The following COL15A1 variants were observed in gnomAD, a reference collection of about 807,000 sequenced individuals.
COL15A1 encodes the protein collagen type XV alpha 1 chain, also known as collagen alpha-1(XV) chain.
Under a neutral mutation model 165.9 loss-of-function variants are expected in COL15A1, and 111 were observed. The ratio of observed to expected loss-of-function variants is 0.67; its 90% CI spans 0.57 to 0.78. The LOEUF is 0.78. Ranked by LOEUF, COL15A1 falls within the 30% of genes least tolerant of loss-of-function variation. The pLI is 0.00. For synonymous variants in COL15A1, 659 were observed against 674.8 expected (o/e 0.98, Z 0.36); for missense variants, 1,745 against 1,789.7 (o/e 0.98, Z 0.45).
At chr9:98,974,717 G>T (rs1282035433) in intron 2 of COL15A1, among the ~76,000 whole-genome samples, 1 of 152,186 alleles carries the variant, frequency 6.6e-6, no homozygotes, top group Admixed American at 6.5e-5. Context: ...GCAGTATAGG[G>T]TCATCTGGAC....
intron 31 of COL15A1, among the ~76,000 whole-genome samples, chr9:99,053,160 G>A (rs545601301): frequency 6.6e-6 from 1 of 152,220 alleles, no homozygotes; most frequent in African/African-American, 2.4e-5. Context: ...CAGTCACTCT[G>A]GTCCCCCTGT....
intron 2 of COL15A1, among the ~76,000 whole-genome samples, chr9:98,977,540 A>T (rs1395902971): frequency 6.6e-6 from 1 of 152,238 alleles, no homozygotes; most frequent in African/African-American, 2.4e-5. Context: ...ACGCCATGCC[A>T]TGGGACAGTG....
Position 98,944,856 on chromosome 9 carries a change from C to A in COL15A1, c.100+606C>A, listed in dbSNP as rs1226988571. ...TCCGTTCCCCGGGCCTCAGTTTCTCCAGCAGAACTCAGGCGGTTGGCTGAA... is the reference window on the plus strand; with the variant it reads ...TCCGTTCCCCGGGCCTCAGTTTCTCAAGCAGAACTCAGGCGGTTGGCTGAA... On this transcript the variant is annotated intron_variant, in intron 2 of 41. Coordinates refer to ENST00000375001, the MANE Select transcript of COL15A1 (RefSeq NM_001855.5). Among the ~76,000 whole-genome samples, 5 of 152,200 alleles carry A rather than the reference C, an allele frequency of 3.3e-5. No individual in the cohort carries two copies. The East Asian group carries it at 9.6e-4, about 29-fold the overall frequency.
At chr9:99,066,597 C>CTTTTTTTTTTTTTTTTTTTT (rs1825894667) in intron 39 of COL15A1, among the ~76,000 whole-genome samples, 5 of 65,114 alleles carry the variant, frequency 7.7e-5, no homozygotes, top group Admixed American at 1.5e-4. Context: ...ATATTTTGTT[C>CTTTTTTTTTTTTTTTTTTTT]TGTTTTTTTT....
intron 11 of COL15A1, among the ~76,000 whole-genome samples, chr9:99,016,481 A>C (rs1473092464): frequency 6.6e-6 from 1 of 152,214 alleles, no homozygotes; most frequent in Admixed American, 6.5e-5. Context: ...GTGACCTCCA[A>C]GTCCCTGCCA....
At chr9:99,017,781 G>A (rs1284710810) in intron 11 of COL15A1, among the ~76,000 whole-genome samples, 4 of 152,086 alleles carry the variant, frequency 2.6e-5, no homozygotes, top group Admixed American at 2.0e-4. Flanking sequence ...ATGCCACATC[G>A]GGCACAGATA....
intron 5 of COL15A1, among the ~76,000 whole-genome samples, chr9:98,991,133 G>A (rs140436418): frequency 3.3e-3 from 500 of 152,224 alleles, no homozygotes; most frequent in African/African-American, 8.5e-3. Flanking sequence ...AAGTCAGTGC[G>A]GACCCAAAGA....
chr9:99,066,599 G>GTTTTTTTTTTTGTTTTTTTT (rs1825895496), intron 39 of COL15A1, among the ~76,000 whole-genome samples: 9 of 71,026 alleles, frequency 1.3e-4, no homozygotes, highest in Admixed American at 8.0e-4. Context: ...ATTTTGTTCT[G>GTTTTTTTTTTTGTTTTTTTT]TTTTTTTTTT....
intron 2 of COL15A1, among the ~76,000 whole-genome samples, chr9:98,948,796 A>T (rs1336548484): frequency 6.6e-6 from 1 of 152,214 alleles, no homozygotes; most frequent in Non-Finnish European, 1.5e-5. Flanking sequence ...TGTCACAAGT[A>T]ATTTGCTCTT....
At chr9:98,945,625 A>G (rs1837569297) in intron 2 of COL15A1, among the ~76,000 whole-genome samples, 1 of 152,218 alleles carries the variant, frequency 6.6e-6, no homozygotes, top group East Asian at 1.9e-4. Flanking sequence ...CAAGACCCAA[A>G]TCCGATGATA....
intron 14 of COL15A1, among the ~76,000 whole-genome samples, chr9:99,024,490 T>C (rs770229536): frequency 1.3e-5 from 2 of 152,082 alleles, no homozygotes; most frequent in Admixed American, 6.5e-5. Context: ...TTCACCATGT[T>C]AGCTGGGGTG....
chr9:98,987,348 T>C lies in COL15A1; in HGVS notation c.703T>C (p.Cys235Arg), dbSNP rs1231548883. ...CGACCCCAGGACTCCCGAGGAGCTG[T>C]GTGACCCTGAAGAGTCCTCGGTGAG... ...HPDPRTPEEL[C>R]DPEESSASGE... The change falls in exon 4 of 42, where the codon TGT becomes CGT. Residue 235 changes from cysteine (C) to arginine (R), a missense_variant. Physicochemically the swap from Cys to Arg is radical, Grantham distance 180. Transcript: ENST00000375001. 1 of 1,613,324 alleles carries C rather than the reference T, an allele frequency of 6.2e-7. No homozygotes were observed. Among genetic ancestry groups the C allele is most frequent in the Non-Finnish European group, 8.5e-7 (1 of 1,179,658 alleles).
chr9:98,999,734 G>A (rs1369112885), intron 6 of COL15A1, among the ~76,000 whole-genome samples: 2 of 151,916 alleles, frequency 1.3e-5, no homozygotes, highest in Non-Finnish European at 2.9e-5. Flanking sequence ...TGCCAAGACT[G>A]GTCATGAACT....
At chr9:98,955,990 C>T (rs1351087226) in intron 2 of COL15A1, among the ~76,000 whole-genome samples, 1 of 152,240 alleles carries the variant, frequency 6.6e-6, no homozygotes, top group Admixed American at 6.5e-5. Flanking sequence ...TGCTCTGGTG[C>T]TTCACATGAA....
At chr9:99,025,845 C>CGTGTGT in intron 15 of COL15A1, 59 bp from the exon 16 acceptor site, 1 of 1,555,984 alleles carries the variant, frequency 6.4e-7, no homozygotes, top group South Asian at 1.2e-5. Context: ...TTCTAGCAAG[C>CGTGTGT]GTGTGTATGT....
chr9:99,065,242 T>A (rs1392721544), intron 39 of COL15A1, among the ~76,000 whole-genome samples: 2 of 152,194 alleles, frequency 1.3e-5, no homozygotes, highest in East Asian at 3.9e-4. Flanking sequence ...GCCCTGCAGT[T>A]GCCCCCTGCC....
chr9:98,947,221 G>C (rs1355129349), intron 2 of COL15A1, among the ~76,000 whole-genome samples: 2 of 152,062 alleles, frequency 1.3e-5, no homozygotes, highest in African/African-American at 4.8e-5. Flanking sequence ...CAATAAAAAG[G>C]AATGAAGTAT....
chr9:99,070,206 G>T lies in COL15A1; in HGVS notation c.*320G>T. The T allele has an allele frequency of 3.6e-6, 1 of 280,500 alleles. No individual in the cohort carries two copies. Among genetic ancestry groups the T allele is most frequent in the Non-Finnish European group, 6.8e-6 (1 of 147,246 alleles). 17.4% of individuals were successfully genotyped at this position (280,500 alleles called of 1,614,324 possible). A position where few individuals can be genotyped will look rare whatever the true frequency, so the allele number is the denominator to read the frequency against. Reference sequence around the variant, plus strand: ...ATTCTGCCACTGCATCCTTCAGACAGTTATATCCTCCTTTTAAACCATTGT... The same window carrying T: ...ATTCTGCCACTGCATCCTTCAGACATTTATATCCTCCTTTTAAACCATTGT... On this transcript the variant is annotated 3_prime_UTR_variant, in exon 42 of 42. Coordinates refer to ENST00000375001, the MANE Select transcript of COL15A1 (RefSeq NM_001855.5).
intron 16 of COL15A1, among the ~76,000 whole-genome samples, chr9:99,031,889 T>A (rs886844069): frequency 4.6e-5 from 7 of 152,232 alleles, no homozygotes; most frequent in African/African-American, 1.7e-4. Flanking sequence ...TTTCACAGAC[T>A]GTCTGTAGAT....
Sources: gnomAD v4.1 joint callset for allele counts (sites outside exome capture counted in the v4.1 genomes callset) on GRCh38, gnomAD v4.1.1 for gene constraint, MANE v1.5 for transcripts, NCBI Gene and HGNC (gene_info 2026-07-23, HGNC 2026-07-21) for gene names.